Variants in WDR31 observed in about 807,000 individuals in gnomAD.
WDR31 encodes WD repeat domain 31, also known as WD repeat-containing protein 31.
WDR31 carries 30 observed loss-of-function variants against 47.3 expected under a neutral mutation model. That is an observed-to-expected ratio of 0.63 (90% CI 0.47 to 0.86). The LOEUF (loss-of-function observed/expected upper bound fraction) is 0.86, where lower values mean the gene tolerates loss of function less well. WDR31 is among the 40% of genes least tolerant of loss of function. The probability of loss-of-function intolerance (pLI) is 0.00; values close to 1 mark genes in which losing one functional copy is unlikely to be tolerated. For synonymous variants in WDR31, 137 were observed against 159.4 expected, an observed-to-expected ratio of 0.86 and a Z score of 1.06; for missense variants, 406 against 442.9, an observed-to-expected ratio of 0.92 and a Z score of 0.75.
chr9:113,319,516 T>C (rs1442180977), intron 9 of WDR31, among the ~76,000 whole-genome samples: 1 of 152,166 alleles, frequency 6.6e-6, no homozygotes, highest in Non-Finnish European at 1.5e-5. Flanking sequence ...ATATTACATG[T>C]AATGTGCTCA....
chr9:113,333,670 C>T lies in WDR31; in HGVS notation c.-28-1620G>A, dbSNP rs528705580. Among the ~76,000 whole-genome samples, 890 of 151,558 alleles carry T rather than the reference C, an allele frequency of 5.9e-3. 8 individuals are homozygous for T. The highest frequency in any genetic ancestry group is 0.02 in the African/African-American group (834 of 41,358). On this transcript the variant is annotated intron_variant, in intron 2 of 10. Transcript: ENST00000374193. Reference sequence around the variant, plus strand: ...TGCTGGGATTACAGGCGTGAGCCACCGCGCCCGGCCGGATTTTTTTTTTTT... The same window carrying T: ...TGCTGGGATTACAGGCGTGAGCCACTGCGCCCGGCCGGATTTTTTTTTTTT...
In WDR31 at chr9:113,315,713, C is replaced by G. The variant is rs1280207248; in HGVS notation, c.*1036G>C. 6.6e-6 allele frequency: 1 copy of G among 150,776 alleles called. No individual in the cohort carries two copies. Among genetic ancestry groups the G allele is most frequent in the Non-Finnish European group, 1.5e-5 (1 of 67,832 alleles). The allele number at this position is 150,776 out of a possible 1,614,324, so 9.3% of individuals were successfully genotyped here. On this transcript the variant is annotated 3_prime_UTR_variant, in exon 11 of 11. Coordinates refer to ENST00000374193, the MANE Select transcript of WDR31 (RefSeq NM_001012361.4). ...ACAAGGTCTCATTCTGTCACACAGA[C>G]TGGAGTGCAGTGGCACAATCTCAGC... is the stretch of plus-strand genomic sequence containing the variant.
chr9:113,331,160 G>C (rs1162809322), intron 3 of WDR31, 44 bp from the exon 4 acceptor site: 8 of 966,556 alleles, frequency 8.3e-6, no homozygotes, highest in Non-Finnish European at 1.1e-5. Flanking sequence ...GCATGGGAGT[G>C]GATGGGGGTG....
rs1256297935 is a variant in WDR31, at chr9:113,330,969, C to T, written c.249+15G>A. 1 of 1,576,732 alleles carries T rather than the reference C, an allele frequency of 6.3e-7. No individual in the cohort carries two copies. On this transcript the variant is annotated intron_variant, in intron 4 of 10. Coordinates refer to ENST00000374193, the MANE Select transcript of WDR31 (RefSeq NM_001012361.4). ...GCAATAAAGTTCATTTCCCGGGAAACACTGCAAACCCCACCTTATCTTTCC... is the reference window on the plus strand; with the variant it reads ...GCAATAAAGTTCATTTCCCGGGAAATACTGCAAACCCCACCTTATCTTTCC...
chr9:113,332,026 T>C lies in WDR31; in HGVS notation c.-4A>G, dbSNP rs1833609639. On this transcript the variant is annotated 5_prime_UTR_variant, in exon 3 of 11. Transcript: ENST00000374193. Reference sequence around the variant, plus strand: ...GTTGGCACCTGAGTAGCAGCATCCCTTGTGGCTGCTGGAAGTTGTGTTCCC... The same window carrying C: ...GTTGGCACCTGAGTAGCAGCATCCCCTGTGGCTGCTGGAAGTTGTGTTCCC... 4 of 1,612,510 alleles carry C rather than the reference T, an allele frequency of 2.5e-6. No individual in the cohort carries two copies. Among genetic ancestry groups the C allele is most frequent in the African/African-American group, 1.3e-5 (1 of 75,012 alleles).
chr9:113,325,967 A>C (rs1833453632), intron 5 of WDR31, among the ~76,000 whole-genome samples: 1 of 152,060 alleles, frequency 6.6e-6, no homozygotes. Flanking sequence ...GCTGGAGTGC[A>C]ATGGTGTGAT....
chr9:113,316,535 A>C lies in WDR31; in HGVS notation c.*214T>G. 2.0e-6 allele frequency: 1 copy of C among 503,684 alleles called. No individual in the cohort carries two copies. The highest frequency in any genetic ancestry group is 3.0e-5 in the East Asian group (1 of 32,980). 31.2% of individuals were successfully genotyped at this position (503,684 alleles called of 1,614,324 possible). ...CATTTGTATTTAACTTAAATAGAGA[A>C]CCTTATGTGTAGTCCATGTTTCTGG... On this transcript the variant is annotated 3_prime_UTR_variant, in exon 11 of 11. Transcript: ENST00000374193.
At chr9:113,316,997 G>C (rs1187920519) in intron 10 of WDR31, 88 bp from the exon 11 acceptor site, 14 of 1,464,236 alleles carry the variant, frequency 9.6e-6, no homozygotes, top group African/African-American at 1.4e-5. Flanking sequence ...AGGAAATAAA[G>C]CATTTGCTGT....
intron 1 of WDR31, among the ~76,000 whole-genome samples, chr9:113,338,229 C>T (rs1260208863): frequency 1.3e-5 from 2 of 152,150 alleles, no homozygotes; most frequent in African/African-American, 2.4e-5. Flanking sequence ...ACAGAGAACA[C>T]ATACAAACGG....
At chr9:113,318,795 C>T (rs1004254954) in intron 9 of WDR31, among the ~76,000 whole-genome samples, 158 bp from the exon 10 acceptor site, 2 of 152,164 alleles carry the variant, frequency 1.3e-5, no homozygotes, top group African/African-American at 4.8e-5. Flanking sequence ...ACAACCCATC[C>T]ATCCACAGAC....
chr9:113,329,957 G>A (rs1833558961), intron 4 of WDR31, among the ~76,000 whole-genome samples: 2 of 151,736 alleles, frequency 1.3e-5, no homozygotes, highest in South Asian at 4.2e-4. Flanking sequence ...CTCCAGCCTG[G>A]GCAACAAGAG....
At chr9:113,334,163 C>T (rs956010488) in intron 2 of WDR31, among the ~76,000 whole-genome samples, 6 of 152,000 alleles carry the variant, frequency 3.9e-5, no homozygotes, top group African/African-American at 9.7e-5. Flanking sequence ...ACCATCATGC[C>T]CAGCTAATTT....
Position 113,333,753 on chromosome 9 carries a change from G to A in WDR31, c.-28-1703C>T, listed in dbSNP as rs571614321. Among the ~76,000 whole-genome samples the A allele has an allele frequency of 3.0e-3, 451 of 152,004 alleles. 3 individuals are homozygous for A. Among genetic ancestry groups the A allele is most frequent in the African/African-American group, 0.01 (428 of 41,420 alleles). ...CAGAATCATGAAATAGATGTTCTGA[G>A]ATGCTAGAAATAATGCCACTAAATG... On this transcript the variant is annotated intron_variant, in intron 2 of 10. Coordinates refer to ENST00000374193, the MANE Select transcript of WDR31 (RefSeq NM_001012361.4).
At position 113,321,961 on chromosome 9, in the gene WDR31, T is replaced by A. The variant is rs983824464; in HGVS notation, c.571-383A>T. On this transcript the variant is annotated intron_variant, in intron 7 of 10. Transcript: ENST00000374193. ...TCTCTTTATCCCTGCAGGTCCCTGC[T>A]GGATAGGCATAAAATAGTTTCCAAA... Among the ~76,000 whole-genome samples, 6 of 152,148 alleles carry A rather than the reference T, an allele frequency of 3.9e-5. No individual in the cohort carries two copies. In the East Asian group the frequency reaches 1.2e-3, roughly 29 times the overall value.
chr9:113,335,421 C>A (rs1286677383), intron 2 of WDR31, among the ~76,000 whole-genome samples: 2 of 152,194 alleles, frequency 1.3e-5, no homozygotes, highest in African/African-American at 4.8e-5. Flanking sequence ...GCAGTGGGAG[C>A]ACCCAGTCCC....
chr9:113,333,195 T>C (rs1191411065), intron 2 of WDR31, among the ~76,000 whole-genome samples: 1 of 151,958 alleles, frequency 6.6e-6, no homozygotes, highest in African/African-American at 2.4e-5. Context: ...CACAACAATG[T>C]CTCTATATAC....
intron 5 of WDR31, among the ~76,000 whole-genome samples, chr9:113,324,389 CTT>C (rs536508042): frequency 5.8e-4 from 75 of 129,034 alleles, no homozygotes; most frequent in African/African-American, 1.0e-3. Flanking sequence ...AATTTCATTC[CTT>C]TTTTTTTTTT....
chr9:113,330,955 C>A, intron 4 of WDR31, 29 bp downstream of exon 4: 1 of 1,563,678 alleles, frequency 6.4e-7, no homozygotes, highest in South Asian at 1.2e-5. Context: ...CAATAAAGTT[C>A]ATTTCCCGGG....
intron 3 of WDR31, 24 bp downstream of exon 3, chr9:113,331,883 G>A: frequency 6.2e-7 from 1 of 1,606,096 alleles, no homozygotes. Flanking sequence ...TAAAACCTGG[G>A]CTCCCAGGGG....
Sources: allele counts gnomAD v4.1 joint callset (sites outside exome capture counted in the v4.1 genomes callset), GRCh38; gene constraint gnomAD v4.1.1; transcripts MANE v1.5; gene names NCBI Gene and HGNC (gene_info 2026-07-23, HGNC 2026-07-21).